TNNI3K: variants seen among roughly 807,000 people sequenced by gnomAD.
TNNI3K encodes serine/threonine-protein kinase TNNI3K.
Under a neutral mutation model 114.5 loss-of-function variants are expected in TNNI3K, and 140 were observed. The ratio of observed to expected loss-of-function variants is 1.22; its 90% CI spans 1.07 to 1.41. TNNI3K has a LOEUF of 1.41. Ranked by LOEUF, TNNI3K falls within the 40% of genes most tolerant of loss-of-function variation. The pLI, the probability that TNNI3K is intolerant of heterozygous loss-of-function variation, is 0.00. For missense variants in TNNI3K, 1,125 were observed against 1,007.6 expected, an observed-to-expected ratio of 1.12 and a Z score of -1.58; for synonymous variants, 347 against 347.5, an observed-to-expected ratio of 1.00 and a Z score of 0.02.
At chr1:74,410,671 AT>A (rs1428974523) in intron 17 of TNNI3K, among the ~76,000 whole-genome samples, 1 of 152,202 alleles carries the variant, frequency 6.6e-6, no homozygotes, top group African/African-American at 2.4e-5. Context: ...TAAGAAGAGA[AT>A]TTTTTTAAAG....
At chr1:74,368,956 AC>A in intron 13 of TNNI3K, 65 bp from the exon 14 acceptor site, 1 of 1,252,912 alleles carries the variant, frequency 8.0e-7, no homozygotes, top group South Asian at 1.6e-5. Flanking sequence ...ATATATATGC[AC>A]ATGTATACAC....
chr1:74,353,497 G>T, intron 10 of TNNI3K, 137 bp downstream of exon 10: 1 of 910,110 alleles, frequency 1.1e-6, no homozygotes, highest in South Asian at 1.7e-5. Flanking sequence ...CCAGCATTTA[G>T]AATTGATAAT....
intron 9 of TNNI3K, 39 bp from the exon 10 acceptor site, chr1:74,353,227 G>A (rs1212491439): frequency 6.3e-7 from 1 of 1,598,096 alleles, no homozygotes; most frequent in African/African-American, 1.4e-5. Context: ...TCATAACAAG[G>A]ACCTTCTATC....
At chr1:74,539,034 A>G (rs921745890) in intron 23 of TNNI3K, among the ~76,000 whole-genome samples, 3 of 152,190 alleles carry the variant, frequency 2.0e-5, no homozygotes, top group African/African-American at 7.2e-5. Flanking sequence ...CACCCTAGAT[A>G]ATATACAAAG....
At chr1:74,419,830 T>C (rs1202488386) in intron 17 of TNNI3K, among the ~76,000 whole-genome samples, 1 of 152,148 alleles carries the variant, frequency 6.6e-6, no homozygotes, top group Non-Finnish European at 1.5e-5. Flanking sequence ...CTTTCATTTA[T>C]GCATTAAACA....
intron 23 of TNNI3K, among the ~76,000 whole-genome samples, chr1:74,500,872 C>G (rs1669589972): frequency 6.6e-6 from 1 of 151,818 alleles, no homozygotes; most frequent in Non-Finnish European, 1.5e-5. Flanking sequence ...TTTTAATCTG[C>G]CTTTTAAAAC....
At position 74,378,629 on chromosome 1, in the gene TNNI3K, T is replaced by TATATATATATATATATATATATATATA. The variant is rs1557531489; in HGVS notation, c.1772+8249_1772+8250insATATATATATATATAATATATATATAT. 1.5e-5 allele frequency: 2 copies of TATATATATATATATATATATATATATA among 135,792 alleles called. 1 individual carries two copies. Among genetic ancestry groups the TATATATATATATATATATATATATATA allele is most frequent in the African/African-American group, 5.5e-5 (2 of 36,376 alleles). 8.4% of individuals were successfully genotyped at this position (135,792 alleles called of 1,614,324 possible). On this transcript the variant is annotated intron_variant, in intron 17 of 24. Transcript: ENST00000326637. ...ATATATATATATATATATATATATATATATATATATATTTCATTTCATCAC... is the reference window on the plus strand; with the variant it reads ...ATATATATATATATATATATATATATATATATATATATATATATATATATATAATATATATATATTTCATTTCATCAC...
intron 2 of TNNI3K, chr1:74,239,930 A>C: frequency 2.1e-6 from 1 of 470,136 alleles, no homozygotes; most frequent in South Asian, 1.6e-5. Flanking sequence ...AGTTGCATTC[A>C]CTCATAACTT....
chr1:74,511,380 A>C (rs930323112), intron 23 of TNNI3K, among the ~76,000 whole-genome samples: 4 of 152,018 alleles, frequency 2.6e-5, no homozygotes, highest in Non-Finnish European at 4.4e-5. Flanking sequence ...TTTAGTAGAG[A>C]TAGGGTTTTG....
At chr1:74,364,742 G>C (rs1298588638) in intron 11 of TNNI3K, among the ~76,000 whole-genome samples, 1 of 151,376 alleles carries the variant, frequency 6.6e-6, no homozygotes, top group Non-Finnish European at 1.5e-5. Context: ...TATGATATGA[G>C]GACTAAGCCA....
At chr1:74,323,859 C>T (rs934705127) in intron 5 of TNNI3K, among the ~76,000 whole-genome samples, 7 of 152,084 alleles carry the variant, frequency 4.6e-5, no homozygotes, top group African/African-American at 1.4e-4. Context: ...ACACAAATGT[C>T]AGTGAGGAAA....
chr1:74,335,256 A>G (rs1417129815), intron 6 of TNNI3K, among the ~76,000 whole-genome samples: 1 of 152,186 alleles, frequency 6.6e-6, no homozygotes, highest in Non-Finnish European at 1.5e-5. Context: ...TCTCAAGAAC[A>G]CAGAGCTGAT....
At chr1:74,422,910 C>T (rs1665467093) in intron 17 of TNNI3K, among the ~76,000 whole-genome samples, 1 of 152,118 alleles carries the variant, frequency 6.6e-6, no homozygotes. Flanking sequence ...TACAAAGTCT[C>T]AGCAGCTATT....
At chr1:74,242,409 A>G (rs191021840) in intron 2 of TNNI3K, among the ~76,000 whole-genome samples, 3 of 152,290 alleles carry the variant, frequency 2.0e-5, no homozygotes, top group Non-Finnish European at 4.4e-5. Flanking sequence ...GGCCTGTTGC[A>G]TTCCACTATA....
chr1:74,399,192 A>G (rs1664238598), intron 17 of TNNI3K, among the ~76,000 whole-genome samples: 1 of 151,002 alleles, frequency 6.6e-6, no homozygotes, highest in African/African-American at 2.4e-5. Context: ...CCCAAAAGCA[A>G]AACTAAAATG....
At chr1:74,460,775 C>T (rs1201946739) in intron 20 of TNNI3K, among the ~76,000 whole-genome samples, 2 of 152,270 alleles carry the variant, frequency 1.3e-5, no homozygotes, top group Non-Finnish European at 2.9e-5. Flanking sequence ...AGTAGCATCA[C>T]TGCCAAGAGT....
intron 17 of TNNI3K, among the ~76,000 whole-genome samples, chr1:74,406,854 G>C (rs953448510): frequency 6.6e-6 from 1 of 152,192 alleles, no homozygotes; most frequent in African/African-American, 2.4e-5. Flanking sequence ...TGTCTCCGCT[G>C]CTGTTCCAAA....
At chr1:74,455,399 A>G (rs1667187605) in intron 20 of TNNI3K, among the ~76,000 whole-genome samples, 1 of 152,200 alleles carries the variant, frequency 6.6e-6, no homozygotes, top group Non-Finnish European at 1.5e-5. Flanking sequence ...ATACAAGGAC[A>G]TCAGTCAAAC....
At chr1:74,371,472 AG>A (rs1238378799) in intron 17 of TNNI3K, 1 of 151,850 alleles carries the variant, frequency 6.6e-6, no homozygotes, top group Non-Finnish European at 1.5e-5. Flanking sequence ...ATTGCTTCTG[AG>A]GATTCTAACA....
Sources: allele counts gnomAD v4.1 joint callset (sites outside exome capture counted in the v4.1 genomes callset), GRCh38; gene constraint gnomAD v4.1.1; transcripts MANE v1.5; gene names NCBI Gene and HGNC (gene_info 2026-07-23, HGNC 2026-07-21).